FAM107B: variants seen among roughly 807,000 people sequenced by gnomAD.
FAM107B encodes the protein family with sequence similarity 107 member B, also known as protein FAM107B.
A neutral mutation model predicts 31.5 loss-of-function variants in FAM107B; 21 were observed. That is an observed-to-expected ratio of 0.67 (90% confidence interval 0.47 to 0.96). The LOEUF is 0.96. Ranked by LOEUF, FAM107B falls within the 40% of genes least tolerant of loss-of-function variation. The pLI is 0.00. For missense variants in FAM107B, 452 were observed against 377.1 expected (o/e 1.20, Z -1.64); for synonymous variants, 157 against 141.5 (o/e 1.11, Z -0.78).
rs201363277 is a variant in FAM107B at position 14,594,519 on chromosome 10, A to C, written c.470-64004T>G. On this transcript the variant is annotated intron_variant, in intron 2 of 4. Transcript: ENST00000181796. ...ACCCTGCCAAAAAAAAAAAAAAAAC[A>C]AAAAAAAACAAAACTGGCAAATGCA... 2.8e-4 allele frequency among the ~76,000 whole-genome samples: 23 copies of C among 81,620 alleles called. No homozygotes were observed. In the East Asian group the frequency reaches 8.2e-3, roughly 29 times the overall value. The allele number at this position is 81,620 out of a possible 152,430, so 53.5% of individuals were successfully genotyped here.
At chr10:14,590,316 G>A (rs1288306328) in intron 2 of FAM107B, among the ~76,000 whole-genome samples, 1 of 152,200 alleles carries the variant, frequency 6.6e-6, no homozygotes, top group Non-Finnish European at 1.5e-5. Flanking sequence ...GAAATCAAGT[G>A]TTTGGTCAAC....
intron 1 of FAM107B, among the ~76,000 whole-genome samples, chr10:14,669,825 T>C (rs1388661709): frequency 1.3e-5 from 2 of 152,184 alleles, no homozygotes; most frequent in Non-Finnish European, 2.9e-5. Context: ...GTTACAAACA[T>C]ACAGCTAGAT....
chr10:14,631,745 T>G (rs1853358981), intron 2 of FAM107B, among the ~76,000 whole-genome samples: 1 of 152,128 alleles, frequency 6.6e-6, no homozygotes. Context: ...CACAGTGAAT[T>G]GCACCCCTCC....
intron 1 of FAM107B, among the ~76,000 whole-genome samples, chr10:14,737,686 C>T (rs1856333092): frequency 6.6e-6 from 1 of 151,766 alleles, no homozygotes; most frequent in Non-Finnish European, 1.5e-5. Context: ...CTAAGAAAAA[C>T]TTACCTTCCC....
intron 2 of FAM107B, chr10:14,556,488 C>A: frequency 2.7e-5 from 24 of 889,120 alleles, no homozygotes; most frequent in Non-Finnish European, 3.2e-5. Context: ...CAAGCCCCGA[C>A]CTAACGAGAG....
intron 1 of FAM107B, chr10:14,724,022 C>T (rs1855973722): frequency 2.4e-6 from 2 of 836,352 alleles, no homozygotes; most frequent in South Asian, 1.3e-5. Context: ...ACATCCTCCT[C>T]CTTCATTTGC....
At chr10:14,568,932 T>A (rs749118055) in intron 2 of FAM107B, among the ~76,000 whole-genome samples, 1 of 152,160 alleles carries the variant, frequency 6.6e-6, no homozygotes, top group Non-Finnish European at 1.5e-5. Context: ...CCAGGAGAGC[T>A]GGCATCTGAC....
chr10:14,521,215 T>G lies in FAM107B; in HGVS notation c.896A>C (p.Glu299Ala). Residue 299 changes from glutamate (E) to alanine (A), a missense_variant, in exon 5 of 5, where the codon GAA becomes GCA. Glu to Ala is a moderately radical substitution (Grantham distance 107). Coordinates refer to ENST00000181796, the MANE Select transcript of FAM107B (RefSeq NM_031453.4). ...VKGNLRRTGQ[E>A]VAQAQES is the part of the protein sequence containing the mutation. The stretch of plus-strand genomic sequence containing the variant: ...CTAGGACTCCTGGGCTTGGGCGACT[T>G]CTTGGCCTGTTCTCCTGAGATTGCC... The G allele has an allele frequency of 1.2e-6, 2 of 1,614,164 alleles. No individual in the cohort carries two copies. The highest frequency in any genetic ancestry group is 8.5e-7 in the Non-Finnish European group (1 of 1,180,012).
intron 2 of FAM107B, among the ~76,000 whole-genome samples, chr10:14,608,832 G>C (rs1852657815): frequency 1.3e-5 from 2 of 152,238 alleles, no homozygotes; most frequent in African/African-American, 4.8e-5. Flanking sequence ...AACAGGGCTT[G>C]AGTGCTGTAC....
At chr10:14,761,150 C>T (rs1833039077) in intron 1 of FAM107B, among the ~76,000 whole-genome samples, 1 of 151,778 alleles carries the variant, frequency 6.6e-6, no homozygotes, top group Admixed American at 6.6e-5. Context: ...TGTGCTTACT[C>T]AGTAATAAGT....
chr10:14,769,023 C>T (rs1833242302), intron 1 of FAM107B, among the ~76,000 whole-genome samples: 1 of 152,184 alleles, frequency 6.6e-6, no homozygotes, highest in Non-Finnish European at 1.5e-5. Context: ...GATGTTGTCC[C>T]CACTGTGTGT....
intron 2 of FAM107B, among the ~76,000 whole-genome samples, chr10:14,593,379 T>A (rs902659371): frequency 1.3e-5 from 2 of 152,148 alleles, no homozygotes; most frequent in African/African-American, 4.8e-5. Context: ...TAGAACCCAG[T>A]GTAACACTAA....
intron 1 of FAM107B, among the ~76,000 whole-genome samples, chr10:14,739,078 C>G (rs1856376263): frequency 1.3e-5 from 2 of 152,178 alleles, no homozygotes; most frequent in African/African-American, 4.8e-5. Context: ...GATATTCATA[C>G]TTCTAACATG....
intron 2 of FAM107B, among the ~76,000 whole-genome samples, chr10:14,601,807 T>C (rs1422286482): frequency 6.6e-6 from 1 of 152,230 alleles, no homozygotes. Flanking sequence ...ATCTTTCCTC[T>C]TTCCATCAGG....
intron 2 of FAM107B, among the ~76,000 whole-genome samples, chr10:14,592,487 C>A (rs561505369): frequency 6.6e-6 from 1 of 152,348 alleles, no homozygotes; most frequent in Non-Finnish European, 1.5e-5. Context: ...GAGACAACAC[C>A]TAACAGGTGG....
intron 1 of FAM107B, among the ~76,000 whole-genome samples, chr10:14,700,760 T>C (rs556264948): frequency 5.4e-5 from 8 of 148,126 alleles, no homozygotes; most frequent in Admixed American, 2.1e-4. Context: ...CTGAAGCTAC[T>C]TGAAATCACA....
intron 1 of FAM107B, among the ~76,000 whole-genome samples, chr10:14,757,932 G>A (rs1439095420): frequency 6.6e-6 from 1 of 152,154 alleles, no homozygotes; most frequent in Non-Finnish European, 1.5e-5. Context: ...GGAGGGACAA[G>A]TCACGGAGCT....
chr10:14,754,742 CGTTTGAGCTGTG>C (rs1302872927), intron 1 of FAM107B, among the ~76,000 whole-genome samples: 1 of 152,218 alleles, frequency 6.6e-6, no homozygotes, highest in African/African-American at 2.4e-5. Context: ...TTTTCTTAGT[CGTTTGAGCTGTG>C]ATTTGTGCCT....
intron 2 of FAM107B, among the ~76,000 whole-genome samples, chr10:14,635,560 G>T (rs532653129): frequency 6.6e-6 from 1 of 152,228 alleles, no homozygotes; most frequent in East Asian, 1.9e-4. Flanking sequence ...AATGTCAGTT[G>T]CACACACAGT....
Sources: gnomAD v4.1 joint callset for allele counts (sites outside exome capture counted in the v4.1 genomes callset) on GRCh38, gnomAD v4.1.1 for gene constraint, MANE v1.5 for transcripts, NCBI Gene and HGNC (gene_info 2026-07-23, HGNC 2026-07-21) for gene names.